OPCML: variants seen among roughly 807,000 people sequenced by gnomAD.
OPCML encodes the protein opioid binding protein/cell adhesion molecule like.
Under a neutral mutation model 37.8 loss-of-function variants are expected in OPCML, and 13 were observed. That is an observed-to-expected ratio of 0.34 (90% CI 0.22 to 0.55). The LOEUF is 0.55. OPCML is among the 20% of genes least tolerant of loss of function. The pLI is 0.91. For missense variants in OPCML, 341 were observed against 435.6 expected (o/e 0.78, Z 1.93); for synonymous variants, 176 against 168.8 (o/e 1.04, Z -0.33).
At chr11:132,639,028 C>T (rs1940691126) in intron 3 of OPCML, among the ~76,000 whole-genome samples, 2 of 152,028 alleles carry the variant, frequency 1.3e-5, no homozygotes, top group Admixed American at 6.5e-5. Context: ...TTTGACTCAC[C>T]GTACTGCTTT....
At chr11:132,476,071 T>A (rs2096154390) in intron 4 of OPCML, among the ~76,000 whole-genome samples, 1 of 152,238 alleles carries the variant, frequency 6.6e-6, no homozygotes, top group African/African-American at 2.4e-5. Flanking sequence ...CAGCACTATG[T>A]AAGATACATA....
rs1409886234 is a variant in OPCML, at chr11:133,083,039, C to T, written c.62-140029G>A. Among the ~76,000 whole-genome samples, 3 of 147,664 alleles carry T rather than the reference C, an allele frequency of 2.0e-5. No individual in the cohort carries two copies. In the South Asian group the frequency reaches 6.4e-4, roughly 32 times the overall value. ...GGCGGACGCCCCAGCCGAGCCCAGC[C>T]ACTGCCTGGTGGAGCCACAGGGCAC... is the stretch of plus-strand genomic sequence containing the variant. On this transcript the variant is annotated intron_variant, in intron 1 of 7. Transcript: ENST00000524381.
At chr11:132,474,001 G>A (rs1411378568) in intron 4 of OPCML, among the ~76,000 whole-genome samples, 9 of 152,090 alleles carry the variant, frequency 5.9e-5, no homozygotes, top group Non-Finnish European at 1.2e-4. Context: ...CAGGCCTCAG[G>A]TATGTAGCTG....
intron 1 of OPCML, among the ~76,000 whole-genome samples, chr11:133,288,677 T>C (rs567650522): frequency 8.5e-5 from 13 of 152,170 alleles, no homozygotes; most frequent in Non-Finnish European, 1.3e-4. Context: ...TCAGAATCCC[T>C]TGGGGGTGCC....
At chr11:133,278,188 C>T (rs1249203075) in intron 1 of OPCML, among the ~76,000 whole-genome samples, 2 of 152,118 alleles carry the variant, frequency 1.3e-5, no homozygotes, top group African/African-American at 4.8e-5. Context: ...ATGGGAAGCA[C>T]CCAAATGCCA....
intron 3 of OPCML, among the ~76,000 whole-genome samples, chr11:132,632,949 A>G (rs1268325828): frequency 4.1e-5 from 4 of 97,656 alleles, no homozygotes; most frequent in African/African-American, 1.2e-4. Context: ...ACCATATTGA[A>G]AAAAAAAAAA....
intron 2 of OPCML, among the ~76,000 whole-genome samples, chr11:132,898,852 C>T (rs769501797): frequency 9.2e-5 from 14 of 151,846 alleles, no homozygotes; most frequent in South Asian, 2.1e-4. Flanking sequence ...CCCCCACCCC[C>T]GCAGCCACTT....
chr11:132,475,170 AG>A (rs1250262192), intron 4 of OPCML, among the ~76,000 whole-genome samples: 3 of 152,290 alleles, frequency 2.0e-5, no homozygotes, highest in Middle Eastern at 3.4e-3. Context: ...CAAATACATA[AG>A]CCCCCACTAA....
At chr11:133,458,140 C>T (rs934912944) in intron 1 of OPCML, among the ~76,000 whole-genome samples, 1 of 149,370 alleles carries the variant, frequency 6.7e-6, no homozygotes, top group Non-Finnish European at 1.5e-5. Flanking sequence ...AGCAAGACTC[C>T]ATCTTGAGAA....
intron 1 of OPCML, among the ~76,000 whole-genome samples, chr11:133,351,821 C>T (rs575566476): frequency 2.0e-5 from 3 of 152,238 alleles, no homozygotes; most frequent in East Asian, 3.9e-4. Flanking sequence ...CCATACCCCC[C>T]ACACAAACAA....
chr11:133,412,001 C>T (rs1011399540), intron 1 of OPCML, among the ~76,000 whole-genome samples: 1 of 152,206 alleles, frequency 6.6e-6, no homozygotes, highest in Non-Finnish European at 1.5e-5. Flanking sequence ...CCCTCCAGAT[C>T]TGTCTATCCA....
intron 1 of OPCML, among the ~76,000 whole-genome samples, chr11:133,508,845 C>T (rs930632763): frequency 6.6e-6 from 1 of 152,202 alleles, no homozygotes; most frequent in Non-Finnish European, 1.5e-5. Context: ...TGCTGTGCCT[C>T]ACCTCTTGCT....
At chr11:132,475,548 G>A (rs79288516) in intron 4 of OPCML, among the ~76,000 whole-genome samples, 40 of 152,266 alleles carry the variant, frequency 2.6e-4, no homozygotes, top group African/African-American at 9.1e-4. Flanking sequence ...GACACACAAA[G>A]AGACACCAGA....
In OPCML at chr11:132,419,483, C is replaced by T. The variant is rs1195465075; in HGVS notation, c.*710G>A. 2 of 152,140 alleles carry T rather than the reference C, an allele frequency of 1.3e-5. No homozygotes were observed. Among genetic ancestry groups the T allele is most frequent in the African/African-American group, 2.4e-5 (1 of 41,420 alleles). The allele number at this position is 152,140 out of a possible 1,614,324, so 9.4% of individuals were successfully genotyped here. A position where few individuals can be genotyped will look rare whatever the true frequency, so the allele number is the denominator to read the frequency against. On this transcript the variant is annotated 3_prime_UTR_variant, in exon 8 of 8. Transcript: ENST00000524381. Reference sequence around the variant, plus strand: ...AATAGAGGTTCTATCTTCAAAATGCCTCCCCCTTTTTTGGTTACTTGACTT... The same window carrying T: ...AATAGAGGTTCTATCTTCAAAATGCTTCCCCCTTTTTTGGTTACTTGACTT...
intron 2 of OPCML, among the ~76,000 whole-genome samples, chr11:132,828,299 G>A (rs989182516): frequency 3.9e-5 from 6 of 152,286 alleles, no homozygotes; most frequent in Middle Eastern, 6.8e-3. Flanking sequence ...CACCCGGTAT[G>A]ATACTACAAC....
At chr11:132,890,712 C>A (rs1040588020) in intron 2 of OPCML, among the ~76,000 whole-genome samples, 3 of 150,182 alleles carry the variant, frequency 2.0e-5, no homozygotes, top group Admixed American at 1.3e-4. Context: ...AAAAAATTAG[C>A]CAGGCGTGGT....
intron 1 of OPCML, among the ~76,000 whole-genome samples, chr11:133,366,352 G>A (rs1295944615): frequency 1.3e-5 from 2 of 152,180 alleles, no homozygotes; most frequent in African/African-American, 4.8e-5. Flanking sequence ...TCAGCTGCGA[G>A]TGTCAGCAAT....
chr11:132,432,688 A>G (rs897951631), intron 7 of OPCML, among the ~76,000 whole-genome samples: 5 of 152,236 alleles, frequency 3.3e-5, no homozygotes, highest in South Asian at 4.1e-4. Flanking sequence ...TACTGTGTGT[A>G]GAACCTTGTA....
intron 1 of OPCML, among the ~76,000 whole-genome samples, chr11:133,125,998 A>G (rs1339928413): frequency 6.6e-6 from 1 of 150,542 alleles, no homozygotes; most frequent in Non-Finnish European, 1.5e-5. Flanking sequence ...ACGTATATAT[A>G]CATGTATAGA....
Sources: gnomAD v4.1 joint callset for allele counts (sites outside exome capture counted in the v4.1 genomes callset) on GRCh38, gnomAD v4.1.1 for gene constraint, MANE v1.5 for transcripts, NCBI Gene and HGNC (gene_info 2026-07-23, HGNC 2026-07-21) for gene names.